The following ZBBX variants were observed in gnomAD, a reference collection of about 807,000 sequenced individuals.
The protein encoded by ZBBX is zinc finger B-box domain-containing protein 1.
ZBBX carries 101 observed loss-of-function variants against 108.5 expected under a neutral mutation model. The ratio of observed to expected loss-of-function variants is 0.93; its 90% confidence interval spans 0.79 to 1.10. The LOEUF (loss-of-function observed/expected upper bound fraction) is 1.10. Among genes scored for constraint, ZBBX ranks in the 50% least tolerant of loss-of-function variants. The pLI is 0.00. For missense variants in ZBBX, 1,009 were observed against 941.4 expected (o/e 1.07, Z -0.94); for synonymous variants, 356 against 323.4 (o/e 1.10, Z -1.08).
At chr3:167,372,386 G>A (rs1746293743) in intron 4 of ZBBX, among the ~76,000 whole-genome samples, 1 of 152,106 alleles carries the variant, frequency 6.6e-6, no homozygotes, top group Non-Finnish European at 1.5e-5. Context: ...TTTGGCTCTG[G>A]CTGAATGCAT....
At chr3:167,388,890 A>G (rs1053404760) in intron 1 of ZBBX, among the ~76,000 whole-genome samples, 1 of 151,970 alleles carries the variant, frequency 6.6e-6, no homozygotes, top group Non-Finnish European at 1.5e-5. Flanking sequence ...TTAAATTTGC[A>G]TTTCTTTTAT....
rs71304623 is a variant in ZBBX at position 167,368,009 on chromosome 3, T to C, written c.182+452A>G. Among the ~76,000 whole-genome samples, 723 of 147,342 alleles carry C rather than the reference T, an allele frequency of 4.9e-3. 1 individual carries two copies. Among genetic ancestry groups the C allele is most frequent in the South Asian group, 8.2e-3 (39 of 4,736 alleles). ...ATATACATATATATATGTAATAGCA[T>C]TTATTTTTCAGATCTTCATTATGTA... On this transcript the variant is annotated intron_variant, in intron 5 of 21. Transcript: ENST00000675490.
intron 4 of ZBBX, among the ~76,000 whole-genome samples, chr3:167,371,847 G>C (rs917894963): frequency 6.6e-6 from 1 of 152,080 alleles, no homozygotes; most frequent in Non-Finnish European, 1.5e-5. Context: ...GAGAGCATTA[G>C]AATAGCTTTG....
the ZBBX span, among the ~76,000 whole-genome samples, chr3:167,225,223 C>A: frequency 6.6e-6 from 1 of 152,016 alleles, no homozygotes; most frequent in East Asian, 1.9e-4. Context: ...CCACTAGACA[C>A]GTGTTTACTG....
At position 167,305,883 on chromosome 3, in the gene ZBBX, T is replaced by A; in HGVS notation, c.1485A>T (p.Lys495Asn). 6.2e-7 allele frequency: 1 copy of A among 1,608,200 alleles called. No individual in the cohort carries two copies. Among genetic ancestry groups the A allele is most frequent in the South Asian group, 1.1e-5 (1 of 89,484 alleles). ...TTTCAAAGGAGGTGCTTTCCTCAAT[T>A]TTTTCAATGTCAGAAGAATACACAT... ...DPDVYSSDIE[K>N]IEESTSFERN... The change falls in exon 17 of 22, where the codon AAA becomes AAT. Residue 495 changes from lysine to asparagine, a missense_variant. Transcript: ENST00000675490.
At chr3:167,363,808 A>G (rs1560186025) in intron 6 of ZBBX, among the ~76,000 whole-genome samples, 1 of 152,068 alleles carries the variant, frequency 6.6e-6, no homozygotes, top group Admixed American at 6.6e-5. Flanking sequence ...TTTTCAACCA[A>G]TTGAAATCTA....
At chr3:167,308,508 T>C (rs752581563) in intron 16 of ZBBX, among the ~76,000 whole-genome samples, 32 of 152,198 alleles carry the variant, frequency 2.1e-4, no homozygotes, top group Non-Finnish European at 3.2e-4. Context: ...TACATGTATA[T>C]GTATGCTCAA....
rs1737711912 is a variant in ZBBX, at chr3:167,327,961, A to G, written c.843T>C (p.Asn281=). ...CCATACCTTTTACTGCTGCATGTAA[A>G]TTCTGTTTCTTGTTGTCATCATGAT... is the stretch of plus-strand genomic sequence containing the variant. ...TGNHDDNKKQ[N]LHAAVKDSLE... The change falls in exon 11 of 22, where the codon AAT becomes AAC. Residue 281 remains asparagine, a synonymous_variant. Transcript: ENST00000675490. 1 of 1,606,680 alleles carries G rather than the reference A, an allele frequency of 6.2e-7. No individual in the cohort carries two copies. The highest frequency in any genetic ancestry group is 8.5e-7 in the Non-Finnish European group (1 of 1,178,184).
At chr3:167,241,059 A>C in intron 21 of ZBBX, 140 bp from the exon 22 acceptor site, 2 of 829,540 alleles carry the variant, frequency 2.4e-6, no homozygotes, top group Non-Finnish European at 3.5e-6. Flanking sequence ...TGGGGCCATA[A>C]TTTTCAATGT....
intron 20 of ZBBX, chr3:167,248,651 T>G (rs1197819395): frequency 2.2e-6 from 1 of 456,512 alleles, no homozygotes; most frequent in East Asian, 7.0e-5. Flanking sequence ...GCTGAGGCCC[T>G]AGAAAGAAAA....
At chr3:167,271,239 T>C (rs1726468735) in intron 20 of ZBBX, among the ~76,000 whole-genome samples, 1 of 152,222 alleles carries the variant, frequency 6.6e-6, no homozygotes, top group Non-Finnish European at 1.5e-5. Flanking sequence ...CAAGACCTTG[T>C]TCACAAGGAG....
At chr3:167,368,363 A>G (rs1231885941) in intron 5 of ZBBX, 98 bp downstream of exon 5, 1 of 885,470 alleles carries the variant, frequency 1.1e-6, no homozygotes, top group East Asian at 2.9e-5. Context: ...GAAATTATCC[A>G]TCCATTAAAT....
chr3:167,228,294 G>A, the ZBBX span, among the ~76,000 whole-genome samples: 1 of 151,702 alleles, frequency 6.6e-6, no homozygotes, highest in Non-Finnish European at 1.5e-5. Flanking sequence ...CAATGAGTCA[G>A]CTTCTGAGTC....
the ZBBX span, among the ~76,000 whole-genome samples, chr3:167,199,185 T>G: frequency 6.6e-6 from 1 of 152,152 alleles, no homozygotes; most frequent in Admixed American, 6.5e-5. Flanking sequence ...CTCAATCCTG[T>G]TGGGGACATG....
intron 1 of ZBBX, among the ~76,000 whole-genome samples, chr3:167,393,859 A>G (rs1433042849): frequency 6.6e-6 from 1 of 151,926 alleles, no homozygotes; most frequent in East Asian, 1.9e-4. Flanking sequence ...AAGACAGCCT[A>G]AAAATTGCCC....
chr3:167,375,986 C>T (rs1377336094), intron 2 of ZBBX, among the ~76,000 whole-genome samples: 3 of 152,080 alleles, frequency 2.0e-5, no homozygotes, highest in Admixed American at 1.3e-4. Context: ...GCAAATAAGC[C>T]GTGGTGTCTT....
chr3:167,303,052 G>T (rs1245728477), intron 17 of ZBBX, among the ~76,000 whole-genome samples: 1 of 152,132 alleles, frequency 6.6e-6, no homozygotes, highest in Non-Finnish European at 1.5e-5. Flanking sequence ...AACAAATAGA[G>T]TCAGTGGTTT....
chr3:167,365,785 TAAG>T (rs1745222014), intron 6 of ZBBX, 98 bp downstream of exon 6: 2 of 603,156 alleles, frequency 3.3e-6, no homozygotes, highest in Admixed American at 7.9e-5. Context: ...GTTGTTAAAA[TAAG>T]AAGAGTATAT....
At chr3:167,302,404 G>A (rs1732857264) in intron 17 of ZBBX, among the ~76,000 whole-genome samples, 1 of 151,976 alleles carries the variant, frequency 6.6e-6, no homozygotes, top group Non-Finnish European at 1.5e-5. Context: ...ATTTTATCAT[G>A]TACATAATGG....
Sources: gnomAD v4.1 joint callset for allele counts (sites outside exome capture counted in the v4.1 genomes callset) on GRCh38, gnomAD v4.1.1 for gene constraint, MANE v1.5 for transcripts, NCBI Gene and HGNC (gene_info 2026-07-23, HGNC 2026-07-21) for gene names.